The following KAZN variants were observed in gnomAD, a reference collection of about 807,000 sequenced individuals.
The protein encoded by KAZN is kazrin.
KAZN carries 40 observed loss-of-function variants against 87.4 expected under a neutral mutation model. The ratio of observed to expected loss-of-function variants is 0.46; its 90% CI spans 0.36 to 0.60. KAZN has a LOEUF of 0.60. Among genes scored for constraint, KAZN ranks in the 20% least tolerant of loss-of-function variants. KAZN has a pLI of 0.00. For missense variants in KAZN, 898 were observed against 1,073.9 expected, an observed-to-expected ratio of 0.84 and a Z score of 2.29; for synonymous variants, 466 against 458.3, an observed-to-expected ratio of 1.02 and a Z score of -0.22.
intron 1 of KAZN, among the ~76,000 whole-genome samples, chr1:14,784,688 G>C (rs988164192): frequency 6.6e-6 from 1 of 152,194 alleles, no homozygotes; most frequent in African/African-American, 2.4e-5. Context: ...GAGCCCGGGA[G>C]GTCGAGGCTG....
chr1:14,906,852 T>C (rs2807559), intron 1 of KAZN, among the ~76,000 whole-genome samples: 150,332 of 151,100 alleles, frequency 0.99, 74,789 homozygotes, highest in Middle Eastern at 1. Context: ...ATGAATTCTG[T>C]TGGGTCCACA....
chr1:14,187,672 A>G (rs1376470725), intron 2 of KAZN, among the ~76,000 whole-genome samples: 1 of 152,190 alleles, frequency 6.6e-6, no homozygotes, highest in Non-Finnish European at 1.5e-5. Flanking sequence ...GCTAGCATCC[A>G]GTAGGTAGAA....
intron 1 of KAZN, among the ~76,000 whole-genome samples, chr1:14,083,322 A>G (rs1643749223): frequency 6.6e-6 from 1 of 152,254 alleles, no homozygotes; most frequent in Non-Finnish European, 1.5e-5. Flanking sequence ...ACATTTTAGT[A>G]GAAAATAAAT....
intron 1 of KAZN, among the ~76,000 whole-genome samples, chr1:14,672,046 C>T (rs1034062135): frequency 2.6e-5 from 4 of 152,188 alleles, no homozygotes; most frequent in African/African-American, 9.7e-5. Context: ...AATGAACATC[C>T]TTGCCTCAGA....
At chr1:14,396,429 G>GT (rs2101112866) in intron 2 of KAZN, among the ~76,000 whole-genome samples, 1 of 152,234 alleles carries the variant, frequency 6.6e-6, no homozygotes, top group East Asian at 1.9e-4. Flanking sequence ...AAAAAATGAT[G>GT]GGGAAATGCC....
intron 1 of KAZN, among the ~76,000 whole-genome samples, chr1:14,140,535 C>G (rs12406453): frequency 0.08 from 12,205 of 152,092 alleles, 659 homozygotes; most frequent in Middle Eastern, 0.14. Flanking sequence ...CTTCCCACCC[C>G]CCTTTTCGCT....
intron 1 of KAZN, among the ~76,000 whole-genome samples, chr1:14,932,650 GAGATGTGTGTTTTTCCACCGACA>G (rs1156680859): frequency 6.6e-6 from 1 of 152,088 alleles, no homozygotes. Context: ...TGGGAAGCCT[GAGATGTGTGTTTTTCCACCGACA>G]AGATGTGTGT....
intron 2 of KAZN, among the ~76,000 whole-genome samples, chr1:14,353,919 T>A (rs964068850): frequency 3.3e-5 from 5 of 152,130 alleles, no homozygotes; most frequent in African/African-American, 1.2e-4. Flanking sequence ...AGGAAATAAA[T>A]AAGCTGATTC....
intron 1 of KAZN, among the ~76,000 whole-genome samples, chr1:14,680,010 A>G (rs1455839515): frequency 1.3e-5 from 2 of 152,182 alleles, no homozygotes; most frequent in Non-Finnish European, 2.9e-5. Context: ...ACAGCTGACC[A>G]TGCAACTCGC....
At chr1:14,029,315 G>T (rs1434850604) in intron 1 of KAZN, among the ~76,000 whole-genome samples, 17 of 65,750 alleles carry the variant, frequency 2.6e-4, no homozygotes, top group African/African-American at 9.2e-4. Flanking sequence ...ACTTTTTGAT[G>T]GGGTTGTTTG....
chr1:14,248,767 C>G (rs1649743850), intron 2 of KAZN, among the ~76,000 whole-genome samples: 1 of 152,118 alleles, frequency 6.6e-6, no homozygotes, highest in South Asian at 2.1e-4. Flanking sequence ...CATGTCCCCT[C>G]CCCTGAATCA....
At chr1:14,442,941 C>T (rs192497423) in intron 2 of KAZN, among the ~76,000 whole-genome samples, 4 of 152,324 alleles carry the variant, frequency 2.6e-5, no homozygotes, top group African/African-American at 9.6e-5. Context: ...AGGAATGCCA[C>T]ATCTGTTTTC....
chr1:14,260,193 C>G (rs998263396), intron 2 of KAZN, among the ~76,000 whole-genome samples: 5 of 152,052 alleles, frequency 3.3e-5, no homozygotes, highest in Non-Finnish European at 7.4e-5. Flanking sequence ...TTCTAGATAC[C>G]AAGGAGACAG....
chr1:15,004,656 G>A (rs1239547274), intron 2 of KAZN, among the ~76,000 whole-genome samples: 2 of 152,248 alleles, frequency 1.3e-5, no homozygotes, highest in African/African-American at 4.8e-5. Context: ...TCTCACTGAA[G>A]TCAGCCTCTG....
intron 2 of KAZN, among the ~76,000 whole-genome samples, chr1:14,439,185 A>G (rs1265864827): frequency 3.3e-5 from 5 of 152,200 alleles, no homozygotes; most frequent in African/African-American, 9.6e-5. Context: ...TTCTCAGAAG[A>G]TGCTGACCAC....
At position 15,025,790 on chromosome 1, in the gene KAZN, C is replaced by G. The variant is rs542223172; in HGVS notation, c.419-8959C>G. Among the ~76,000 whole-genome samples the G allele has an allele frequency of 1.1e-3, 172 of 152,262 alleles. No individual in the cohort carries two copies. In the Middle Eastern group the frequency reaches 0.017, roughly 15 times the overall value. ...TTGTTGGCTGCGCGAGCCGGTCAAC[C>G]CACTTCACCTCGTGGTGAGAAGATA... On this transcript the variant is annotated intron_variant, in intron 2 of 14. Coordinates refer to ENST00000376030, the MANE Select transcript of KAZN (RefSeq NM_201628.3).
Position 14,127,477 on chromosome 1 carries a change from A to G in KAZN, c.92-52958A>G, listed in dbSNP as rs548965421. Among the ~76,000 whole-genome samples, 19 of 151,314 alleles carry G rather than the reference A, an allele frequency of 1.3e-4. No individual in the cohort carries two copies. The East Asian group carries it at 3.5e-3, about 28-fold the overall frequency. On this transcript the variant is annotated intron_variant, in intron 1 of 16. Transcript: ENST00000636203. Reference sequence around the variant, plus strand: ...GTTCACCTAACACTGGAGCCGTGGTAAAGCCAGGAGGCCAGGAAATCCAAC... The same window carrying G: ...GTTCACCTAACACTGGAGCCGTGGTGAAGCCAGGAGGCCAGGAAATCCAAC...
At chr1:14,357,895 G>A (rs1362412117) in intron 2 of KAZN, among the ~76,000 whole-genome samples, 1 of 152,122 alleles carries the variant, frequency 6.6e-6, no homozygotes, top group African/African-American at 2.4e-5. Flanking sequence ...TTTTTCAGTT[G>A]TGTCTCTGCC....
intron 2 of KAZN, among the ~76,000 whole-genome samples, chr1:14,361,879 C>T (rs1045361268): frequency 2.6e-5 from 4 of 152,200 alleles, no homozygotes; most frequent in Non-Finnish European, 5.9e-5. Context: ...GTGAGGAAGA[C>T]CCACTGCCAT....
Sources: gnomAD v4.1 joint callset for allele counts (sites outside exome capture counted in the v4.1 genomes callset) on GRCh38, gnomAD v4.1.1 for gene constraint, MANE v1.5 for transcripts, NCBI Gene and HGNC (gene_info 2026-07-23, HGNC 2026-07-21) for gene names.